SSB: variants seen among roughly 807,000 people sequenced by gnomAD.
The protein encoded by SSB is lupus La protein.
SSB carries 17 observed loss-of-function variants against 52.9 expected under a neutral mutation model. The ratio of observed to expected loss-of-function variants is 0.32; its 90% CI spans 0.22 to 0.48. SSB has a LOEUF of 0.48. SSB is among the 20% of genes least tolerant of loss of function. The pLI, the probability that SSB is intolerant of heterozygous loss-of-function variation, is 0.99. For synonymous variants in SSB, 111 were observed against 152.1 expected (o/e 0.73, Z 1.99); for missense variants, 314 against 463.6 (o/e 0.68, Z 2.96).
intron 9 of SSB, 31 bp from the exon 10 acceptor site, chr2:169,810,827 G>A (rs926919398): frequency 8.3e-6 from 13 of 1,566,984 alleles, no homozygotes; most frequent in Non-Finnish European, 1.1e-5. Flanking sequence ...AAAACCAAGG[G>A]TATGGCTTTT....
intron 7 of SSB, 149 bp from the exon 8 acceptor site, chr2:169,808,711 T>C (rs1365989497): frequency 1.8e-5 from 18 of 977,168 alleles, no homozygotes; most frequent in Non-Finnish European, 2.6e-5. Flanking sequence ...CCAAATTGCA[T>C]TGCAGTCTAG....
intron 11 of SSB, 114 bp from the exon 12 acceptor site, chr2:169,811,554 T>C (rs1689956703): frequency 7.0e-7 from 1 of 1,426,792 alleles, no homozygotes; most frequent in African/African-American, 1.4e-5. Flanking sequence ...TTCTCATTGG[T>C]GCAAGGAAGT....
At chr2:169,801,514 T>G (rs1350483824) in intron 2 of SSB, among the ~76,000 whole-genome samples, 3 of 139,378 alleles carry the variant, frequency 2.2e-5, no homozygotes, top group African/African-American at 8.0e-5. Flanking sequence ...ATATAGTTTT[T>G]TTTTTTTTTT....
intron 6 of SSB, among the ~76,000 whole-genome samples, chr2:169,808,185 G>GA (rs1689867748): frequency 6.6e-6 from 1 of 152,104 alleles, no homozygotes; most frequent in South Asian, 2.1e-4. Context: ...TTGGGGTCAT[G>GA]AAAATGTTCT....
At position 169,807,074 on chromosome 2, in the gene SSB, A is replaced by C; in HGVS notation, c.554+3A>C. 9 of 1,612,746 alleles carry C rather than the reference A, an allele frequency of 5.6e-6. No homozygotes were observed. Among genetic ancestry groups the C allele is most frequent in the Non-Finnish European group, 7.6e-6 (9 of 1,179,224 alleles). On this transcript the variant is annotated splice_donor_region_variant and intron_variant, in intron 6 of 11. Coordinates refer to ENST00000260956, the MANE Select transcript of SSB (RefSeq NM_003142.5). ...ACAGACCTGCTAATACTTTTCAAGT[A>C]AGTCTTTTTGCTGATGTTTCTCCTG...
chr2:169,805,824 CA>C lies in SSB; in HGVS notation c.331del (p.Arg111AspfsTer17). The C allele has an allele frequency of 6.2e-7, 1 of 1,613,410 alleles. No individual in the cohort carries two copies. Among genetic ancestry groups the C allele is most frequent in the South Asian group, 1.1e-5 (1 of 90,888 alleles). On this transcript the variant is annotated frameshift_variant, in exon 4 of 12. Coordinates refer to ENST00000260956, the MANE Select transcript of SSB (RefSeq NM_003142.5). LOFTEE classifies it high-confidence loss of function. ...ATGAGTATAAAAATGATGTAAAAAA[CA>C]GATCTGTTTATATTGTAAGTGGGCC... ...TDEYKNDVKNRSVYIKGFPTD... is the reference protein window; with the variant it reads ...TDEYKNDVKNXSVYIKGFPTD...
intron 2 of SSB, among the ~76,000 whole-genome samples, chr2:169,802,414 G>GC (rs1374575805): frequency 2.1e-5 from 3 of 146,324 alleles, no homozygotes; most frequent in Non-Finnish European, 4.5e-5. Context: ...TCTCAGAACT[G>GC]CTTTTTTTTT....
Position 169,805,682 on chromosome 2 carries a change from C to A in SSB, c.188C>A (p.Thr63Lys). The change falls in exon 4 of 12, where the codon ACA becomes AAA. Residue 63 changes from threonine to lysine, a missense_variant. By Grantham distance (78) the Thr-to-Lys change is moderately conservative. Coordinates refer to ENST00000260956, the MANE Select transcript of SSB (RefSeq NM_003142.5). Reference sequence around the variant, plus strand: ...CTCTTCAGGTTGAACCGTCTAACAACAGACTTTAATGTAATTGTGGAAGCA... The same window carrying A: ...CTCTTCAGGTTGAACCGTCTAACAAAAGACTTTAATGTAATTGTGGAAGCA... Reference protein sequence around the residue: ...IKFNRLNRLTTDFNVIVEALS... With the variant: ...IKFNRLNRLTKDFNVIVEALS... 6.2e-7 allele frequency: 1 copy of A among 1,613,980 alleles called. No individual in the cohort carries two copies. The highest frequency in any genetic ancestry group is 1.6e-4 in the Middle Eastern group (1 of 6,062).
chr2:169,805,109 GAC>G (rs1689802040), intron 2 of SSB, among the ~76,000 whole-genome samples: 4 of 151,496 alleles, frequency 2.6e-5, no homozygotes, highest in Admixed American at 2.6e-4. Flanking sequence ...CAGCCTGAGC[GAC>G]AGAGTAAGAC....
intron 4 of SSB, 84 bp downstream of exon 4, chr2:169,805,923 CCTCA>C (rs758593610): frequency 2.2e-5 from 28 of 1,253,678 alleles, no homozygotes; most frequent in Non-Finnish European, 3.1e-5. Flanking sequence ...GGAATCACAG[CCTCA>C]CTAATTACTG....
chr2:169,808,631 A>G (rs1689879029), intron 7 of SSB, 78 bp downstream of exon 7: 4 of 1,340,674 alleles, frequency 3.0e-6, no homozygotes, highest in South Asian at 2.4e-5. Context: ...GAGCTCTGAA[A>G]TAGTGGCAGT....
At chr2:169,808,662 G>GA in intron 7 of SSB, 109 bp downstream of exon 7, 1 of 1,103,394 alleles carries the variant, frequency 9.1e-7, no homozygotes, top group Admixed American at 2.2e-5. Context: ...CTTTGCTAGT[G>GA]AAACACTGAG....
chr2:169,804,006 T>C (rs1689767220), intron 2 of SSB, among the ~76,000 whole-genome samples: 1 of 152,236 alleles, frequency 6.6e-6, no homozygotes, highest in African/African-American at 2.4e-5. Flanking sequence ...CCCAAAGTGC[T>C]GGGATTATGG....
At position 169,810,315 on chromosome 2, in the gene SSB, G is replaced by C. The variant is rs1689921781; in HGVS notation, c.702G>C (p.Leu234=). The stretch of plus-strand genomic sequence containing the variant: ...TAGAAGAAAAGATTGGATGCTTGCT[G>C]AAATTTTCGGGTGATTTAGATGATC... ...KSLEEKIGCL[L]KFSGDLDDQT... The change falls in exon 9 of 12, where the codon CTG becomes CTC. Residue 234 remains leucine, a synonymous_variant. Transcript: ENST00000260956. 1 of 1,606,116 alleles carries C rather than the reference G, an allele frequency of 6.2e-7. No individual in the cohort carries two copies. Among genetic ancestry groups the C allele is most frequent in the African/African-American group, 1.3e-5 (1 of 74,564 alleles).
intron 4 of SSB, 143 bp downstream of exon 4, chr2:169,805,982 T>C (rs891511043): frequency 3.2e-6 from 3 of 945,622 alleles, no homozygotes; most frequent in Non-Finnish European, 4.9e-6. Flanking sequence ...TTTTGTTTTG[T>C]TTTGTTTTGA....
At chr2:169,811,098 A>G (rs1461123534) in intron 10 of SSB, 54 bp downstream of exon 10, 1 of 1,592,470 alleles carries the variant, frequency 6.3e-7, no homozygotes, top group Admixed American at 1.9e-5. Flanking sequence ...CATTTACTTG[A>G]GCAAAAACTT....
intron 8 of SSB, among the ~76,000 whole-genome samples, chr2:169,809,912 G>A (rs905388629): frequency 4.0e-5 from 6 of 151,810 alleles, no homozygotes; most frequent in Non-Finnish European, 7.4e-5. Context: ...CACTGCGCCC[G>A]GCCTAAAAAT....
Position 169,811,054 on chromosome 2 carries a change from T to A in SSB, c.997+10T>A. Reference sequence around the variant, plus strand: ...AAATGGAAGTCAAAAGGTCATTTATTCTGATTTTTCTTTAACAGTTTGGTT... The same window carrying A: ...AAATGGAAGTCAAAAGGTCATTTATACTGATTTTTCTTTAACAGTTTGGTT... On this transcript the variant is annotated intron_variant, in intron 10 of 11. Transcript: ENST00000260956. 6.2e-7 allele frequency: 1 copy of A among 1,604,836 alleles called. No homozygotes were observed. The highest frequency in any genetic ancestry group is 8.5e-7 in the Non-Finnish European group (1 of 1,177,910).
intron 6 of SSB, among the ~76,000 whole-genome samples, chr2:169,807,742 T>TTTTG (rs1558971757): frequency 8.0e-6 from 1 of 125,738 alleles, no homozygotes; most frequent in East Asian, 2.2e-4. Flanking sequence ...TATGTCTTTT[T>TTTTG]TTTTTTTTTT....
Sources: allele counts gnomAD v4.1 joint callset (sites outside exome capture counted in the v4.1 genomes callset), GRCh38; gene constraint gnomAD v4.1.1; transcripts MANE v1.5; gene names NCBI Gene and HGNC (gene_info 2026-07-23, HGNC 2026-07-21).